PIGN: variants seen among roughly 807,000 people sequenced by gnomAD.
PIGN encodes the protein phosphatidylinositol glycan anchor biosynthesis class N.
In PIGN, 117 loss-of-function variants were observed where a neutral mutation model predicts 125.4. That is an observed-to-expected ratio of 0.93 (90% CI 0.80 to 1.09). The LOEUF is 1.09. Ranked by LOEUF, PIGN falls within the 50% of genes least tolerant of loss-of-function variation. The pLI, the probability that PIGN is intolerant of heterozygous loss-of-function variation, is 0.00. For synonymous variants in PIGN, 392 were observed against 377.8 expected (o/e 1.04, Z -0.44); for missense variants, 1,075 against 1,094.9 (o/e 0.98, Z 0.26).
chr18:62,091,956 G>C (rs2033982139), intron 23 of PIGN, among the ~76,000 whole-genome samples: 1 of 151,988 alleles, frequency 6.6e-6, no homozygotes, highest in Non-Finnish European at 1.5e-5. Flanking sequence ...TTTCCTTTTT[G>C]AGTCTTTCAA....
chr18:62,131,841 A>G (rs1292924402), intron 14 of PIGN, among the ~76,000 whole-genome samples: 1 of 152,146 alleles, frequency 6.6e-6, no homozygotes, highest in Non-Finnish European at 1.5e-5. Flanking sequence ...AAAAGACTGA[A>G]CAAGATAATG....
intron 30 of PIGN, chr18:62,052,769 C>T (rs189342494): frequency 0.017 from 3,112 of 184,458 alleles, 38 homozygotes; most frequent in Non-Finnish European, 0.027. Flanking sequence ...TTATTTTGCT[C>T]GTTAGTTGAT....
At position 62,101,099 on chromosome 18, in the gene PIGN, G is replaced by T; in HGVS notation, c.2053C>A (p.Gln685Lys). ...CCTAATGTTGCCCAGCTAATAATTT[G>T]ATTCATGAGAGGCAGTCCTTGCTTC... Reference protein sequence around the residue: ...LRKQGLPLMNQIISWATLASS... With the variant: ...LRKQGLPLMNKIISWATLASS... Residue 685 changes from glutamine (Q) to lysine (K), a missense_variant, in exon 22 of 31, where the codon CAA becomes AAA. By Grantham distance (53) the Gln-to-Lys change is moderately conservative (BLOSUM62 1). This residue lies in a region of PIGN where 915 missense variants were observed against 908.7 expected (regional missense o/e 1.01). Transcript: ENST00000640252. 6.2e-7 allele frequency: 1 copy of T among 1,607,186 alleles called. No homozygotes were observed. The highest frequency in any genetic ancestry group is 8.5e-7 in the Non-Finnish European group (1 of 1,173,968).
chr18:62,069,508 C>G (rs1258178592), intron 30 of PIGN: 1 of 152,166 alleles, frequency 6.6e-6, no homozygotes, highest in Non-Finnish European at 1.5e-5. Flanking sequence ...TATCATTCAG[C>G]CTTTAAAAGG....
At chr18:62,181,540 A>T (rs781328755) in intron 1 of PIGN, among the ~76,000 whole-genome samples, 9 of 152,110 alleles carry the variant, frequency 5.9e-5, no homozygotes, top group Non-Finnish European at 1.3e-4. Context: ...CTTCCCAAGT[A>T]GCGGGGACCA....
At chr18:62,119,196 G>GA (rs2035202909) in intron 14 of PIGN, among the ~76,000 whole-genome samples, 1 of 151,900 alleles carries the variant, frequency 6.6e-6, no homozygotes, top group Non-Finnish European at 1.5e-5. Context: ...CCTCTCTGGA[G>GA]AAAAATGAGA....
chr18:62,106,115 G>C (rs541216683), intron 19 of PIGN, among the ~76,000 whole-genome samples: 4 of 152,172 alleles, frequency 2.6e-5, no homozygotes, highest in African/African-American at 9.7e-5. Flanking sequence ...ACTGAGCCCA[G>C]AAGGAAAATA....
intron 23 of PIGN, among the ~76,000 whole-genome samples, chr18:62,024,143 C>T (rs1273519861): frequency 6.6e-6 from 1 of 152,166 alleles, no homozygotes; most frequent in African/African-American, 2.4e-5. Flanking sequence ...TAGGCTGATG[C>T]ATGTTAATTA....
intron 30 of PIGN, among the ~76,000 whole-genome samples, chr18:62,053,430 ACTTAAGC>A (rs1203755834): frequency 6.6e-6 from 1 of 152,258 alleles, no homozygotes; most frequent in Non-Finnish European, 1.5e-5. Flanking sequence ...AAAATGGCAG[ACTTAAGC>A]CCTAACATAT....
intron 1 of PIGN, among the ~76,000 whole-genome samples, chr18:62,173,954 G>A (rs780933962): frequency 7.2e-5 from 11 of 152,054 alleles, no homozygotes; most frequent in Non-Finnish European, 1.5e-4. Context: ...GGTGGCTTAC[G>A]CCTGTAATCT....
At chr18:62,174,388 T>C (rs1567040) in intron 1 of PIGN, 88,481 of 152,004 alleles carry the variant, frequency 0.58, 26,562 homozygotes, top group East Asian at 0.78. Flanking sequence ...ATTCTTCCAC[T>C]TGTGACTGAC....
At chr18:62,080,828 AT>A in intron 28 of PIGN, among the ~76,000 whole-genome samples, 1 of 152,114 alleles carries the variant, frequency 6.6e-6, no homozygotes, top group Non-Finnish European at 1.5e-5. Context: ...TGTTAGTTAG[AT>A]TTTCATTGCT....
At position 62,042,989 on chromosome 18, in the gene PIGN, AGT is replaced by A. The variant is rs1462258105; in HGVS notation, c.*2865_*2866del. On this transcript the variant is annotated 3_prime_UTR_variant, in exon 31 of 31. Coordinates refer to ENST00000640252, the MANE Select transcript of PIGN (RefSeq NM_176787.5). ...GAAAATGCTACAAAGATATTGCCAT[AGT>A]ACTGAAAGCACACAGCATAACAATC... 7 of 152,222 alleles carry A rather than the reference AGT, an allele frequency of 4.6e-5. No individual in the cohort carries two copies. The highest frequency in any genetic ancestry group is 1.7e-4 in the African/African-American group (7 of 41,454). The allele number at this position is 152,222 out of a possible 1,614,324, so 9.4% of individuals were successfully genotyped here. A position where few individuals can be genotyped will look rare whatever the true frequency, so the allele number is the denominator to read the frequency against.
intron 30 of PIGN, chr18:62,072,449 C>T: frequency 2.2e-5 from 8 of 366,554 alleles, no homozygotes; most frequent in Admixed American, 4.5e-5. Flanking sequence ...AAATACTTAC[C>T]ATTGGGTTAC....
At chr18:62,024,242 G>A (rs1430878750) in intron 23 of PIGN, among the ~76,000 whole-genome samples, 1 of 152,174 alleles carries the variant, frequency 6.6e-6, no homozygotes, top group African/African-American at 2.4e-5. Context: ...AAATACTTAT[G>A]AAGGTGGCAG....
At chr18:62,174,147 G>A (rs1443514649) in intron 1 of PIGN, among the ~76,000 whole-genome samples, 1 of 151,214 alleles carries the variant, frequency 6.6e-6, no homozygotes, top group Non-Finnish European at 1.5e-5. Context: ...CTGGGAGGCG[G>A]AGTTTACAGT....
intron 30 of PIGN, 42 bp from the exon 31 acceptor site, chr18:62,046,021 G>A (rs761998728): frequency 3.1e-6 from 5 of 1,592,404 alleles, no homozygotes; most frequent in Middle Eastern, 1.7e-4. Flanking sequence ...AGAGAACACA[G>A]GTGAGGAAAA....
At chr18:62,101,223 A>G (rs1252318220) in intron 21 of PIGN, 40 bp from the exon 22 acceptor site, 1 of 1,135,126 alleles carries the variant, frequency 8.8e-7, no homozygotes, top group Non-Finnish European at 1.3e-6. Flanking sequence ...AAGAGAAGGT[A>G]GTGAAAGACT....
chr18:62,167,276 AGAGATATATATGTGTGTGTG>A (rs1245572709), intron 1 of PIGN, among the ~76,000 whole-genome samples: 1 of 138,508 alleles, frequency 7.2e-6, no homozygotes, highest in African/African-American at 3.2e-5. Context: ...AGAGATATAT[AGAGATATATATGTGTGTGTG>A]TGTGTGTGTG....
Sources: allele counts gnomAD v4.1 joint callset (sites outside exome capture counted in the v4.1 genomes callset), GRCh38; gene constraint gnomAD v4.1.1; regional missense constraint gnomAD v4.1.1; transcripts MANE v1.5; gene names NCBI Gene and HGNC (gene_info 2026-07-23, HGNC 2026-07-21).